EBF1: variants seen among roughly 807,000 people sequenced by gnomAD.
The protein encoded by EBF1 is EBF transcription factor 1, also known as transcription factor COE1.
In EBF1, 10 loss-of-function variants were observed where a neutral mutation model predicts 68.4. That is an observed-to-expected ratio of 0.15 (90% CI 0.09 to 0.25). The LOEUF (loss-of-function observed/expected upper bound fraction) is 0.25. Ranked by LOEUF, EBF1 falls within the 10% of genes least tolerant of loss-of-function variation. The pLI, the probability that EBF1 is intolerant of heterozygous loss-of-function variation, is 1.00. For synonymous variants in EBF1, 298 were observed against 299.8 expected, an observed-to-expected ratio of 0.99 and a Z score of 0.06; for missense variants, 509 against 794.4, an observed-to-expected ratio of 0.64 and a Z score of 4.32.
intron 4 of EBF1, among the ~76,000 whole-genome samples, chr5:159,094,766 C>A (rs1301428088): frequency 6.6e-6 from 1 of 152,120 alleles, no homozygotes; most frequent in Non-Finnish European, 1.5e-5. Flanking sequence ...AAGCTGTCTT[C>A]TTTTTTCTGC....
At chr5:158,887,002 CA>C (rs202161227) in intron 6 of EBF1, among the ~76,000 whole-genome samples, 28 of 150,232 alleles carry the variant, frequency 1.9e-4, no homozygotes, top group African/African-American at 6.6e-4. Context: ...AACTCCATCT[CA>C]AAAAAAAAGA....
intron 6 of EBF1, among the ~76,000 whole-genome samples, chr5:158,884,545 G>A (rs1161786688): frequency 6.6e-6 from 1 of 152,160 alleles, no homozygotes; most frequent in Non-Finnish European, 1.5e-5. Flanking sequence ...CCTCAGGACA[G>A]GGGAAAGTTG....
chr5:158,883,514 G>A (rs752658537), intron 6 of EBF1, among the ~76,000 whole-genome samples: 40 of 151,864 alleles, frequency 2.6e-4, no homozygotes, highest in Non-Finnish European at 5.3e-4. Flanking sequence ...ATGCCCCACC[G>A]TGCACTCCCT....
At chr5:158,826,415 T>C (rs1347012898) in intron 7 of EBF1, among the ~76,000 whole-genome samples, 3 of 152,194 alleles carry the variant, frequency 2.0e-5, no homozygotes, top group African/African-American at 7.2e-5. Context: ...TAGGCGACTA[T>C]TGCCTACTGC....
chr5:158,770,239 C>T (rs181330407), intron 10 of EBF1, among the ~76,000 whole-genome samples: 121 of 152,128 alleles, frequency 8.0e-4, no homozygotes, highest in Non-Finnish European at 1.2e-3. Context: ...CCACATCTAA[C>T]CCATCAAGTC....
At chr5:158,714,692 G>T (rs1458903220) in intron 11 of EBF1, among the ~76,000 whole-genome samples, 1 of 152,068 alleles carries the variant, frequency 6.6e-6, no homozygotes, top group Admixed American at 6.6e-5. Context: ...ATATAAGAGG[G>T]TGATGTAGGA....
chr5:158,943,368 G>A (rs13176166), intron 6 of EBF1, among the ~76,000 whole-genome samples: 3 of 151,918 alleles, frequency 2.0e-5, no homozygotes, highest in Non-Finnish European at 2.9e-5. Flanking sequence ...ACATTCCGGA[G>A]GCACTGTGCC....
intron 6 of EBF1, among the ~76,000 whole-genome samples, chr5:158,922,485 T>C (rs905690729): frequency 1.3e-5 from 2 of 152,194 alleles, no homozygotes; most frequent in African/African-American, 4.8e-5. Context: ...TTAAAATAGA[T>C]CTTCCATTTC....
At chr5:158,808,155 A>G (rs146847412) in intron 8 of EBF1, among the ~76,000 whole-genome samples, 1 of 152,246 alleles carries the variant, frequency 6.6e-6, no homozygotes, top group Non-Finnish European at 1.5e-5. Flanking sequence ...AGGAATATGT[A>G]TCATTGACTT....
intron 10 of EBF1, among the ~76,000 whole-genome samples, chr5:158,769,290 G>A (rs964973214): frequency 2.0e-5 from 3 of 152,088 alleles, no homozygotes; most frequent in Admixed American, 2.0e-4. Context: ...GGATTTCTGT[G>A]ATTTATCTCT....
At chr5:158,732,601 A>C (rs1261496610) in intron 10 of EBF1, among the ~76,000 whole-genome samples, 3 of 152,184 alleles carry the variant, frequency 2.0e-5, no homozygotes, top group Non-Finnish European at 2.9e-5. Flanking sequence ...GGAAAAAAAA[A>C]AGCTGCATAA....
At position 159,073,637 on chromosome 5, in the gene EBF1, A is replaced by T. The variant is rs534896167; in HGVS notation, c.486-173T>A. ...ATTCTATTTGGGTCACCTATGGGTT[A>T]ATGGCCAGGCTTAACCTCTCCCTGC... On this transcript the variant is annotated intron_variant, in intron 5 of 15. Transcript: ENST00000313708. 469 of 657,398 alleles carry T rather than the reference A, an allele frequency of 7.1e-4. 1 individual carries two copies. The African/African-American group carries it at 7.8e-3, about 11-fold the overall frequency. The allele number at this position is 657,398 out of a possible 1,614,324, so 40.7% of individuals were successfully genotyped here.
chr5:159,027,182 C>T (rs1767869877), intron 6 of EBF1, among the ~76,000 whole-genome samples: 2 of 152,174 alleles, frequency 1.3e-5, no homozygotes, highest in Admixed American at 6.5e-5. Flanking sequence ...CCTACCTGTA[C>T]ACTCCTCCCA....
At chr5:158,846,119 G>A (rs538091012) in intron 6 of EBF1, among the ~76,000 whole-genome samples, 6 of 152,314 alleles carry the variant, frequency 3.9e-5, no homozygotes, top group African/African-American at 1.4e-4. Context: ...AGATGGTTAT[G>A]TGGCAGATGA....
At chr5:158,844,187 C>CT (rs1324393352) in intron 6 of EBF1, among the ~76,000 whole-genome samples, 1 of 82,462 alleles carries the variant, frequency 1.2e-5, no homozygotes. Flanking sequence ...TTAACTCAAG[C>CT]CTTTTTTTTT....
At chr5:158,845,977 T>A (rs999581236) in intron 6 of EBF1, among the ~76,000 whole-genome samples, 17 of 152,190 alleles carry the variant, frequency 1.1e-4, no homozygotes, top group African/African-American at 4.1e-4. Context: ...AAAATCACGT[T>A]TGGATTTTTG....
chr5:158,756,107 T>G lies in EBF1; in HGVS notation c.1036+21306A>C, dbSNP rs10076156. On this transcript the variant is annotated intron_variant, in intron 10 of 15. Coordinates refer to ENST00000313708, the MANE Select transcript of EBF1 (RefSeq NM_024007.5). ...TGCTAACTTGCTGAATGTGTTGGGC[T>G]GTTGAGGTGAGTTCTACTGGAGTCT... Among the ~76,000 whole-genome samples the G allele has an allele frequency of 7.2e-3, 1,094 of 152,226 alleles. 17 individuals are homozygous for G. Among genetic ancestry groups the G allele is most frequent in the African/African-American group, 0.025 (1,040 of 41,546 alleles).
Position 159,020,838 on chromosome 5 carries a change from GGGATAA to G in EBF1, c.554+52552_554+52557del, listed in dbSNP as rs199535470. Among the ~76,000 whole-genome samples, 16 of 152,078 alleles carry G rather than the reference GGGATAA, an allele frequency of 1.1e-4. No individual in the cohort carries two copies. In the East Asian group the frequency reaches 3.1e-3, roughly 29 times the overall value. ...ATATATCTGATCTAGGCAAACTATG[GGGATAA>G]GTAATAACAATTAATTAGCTACAGT... On this transcript the variant is annotated intron_variant, in intron 6 of 15. Coordinates refer to ENST00000313708, the MANE Select transcript of EBF1 (RefSeq NM_024007.5).
intron 6 of EBF1, among the ~76,000 whole-genome samples, chr5:158,976,094 G>A (rs1422654434): frequency 1.3e-5 from 2 of 152,178 alleles, no homozygotes; most frequent in Admixed American, 6.5e-5. Context: ...TTATTGTCAA[G>A]ACAGAATGAA....
Sources: gnomAD v4.1 joint callset for allele counts (sites outside exome capture counted in the v4.1 genomes callset) on GRCh38, gnomAD v4.1.1 for gene constraint, MANE v1.5 for transcripts, NCBI Gene and HGNC (gene_info 2026-07-23, HGNC 2026-07-21) for gene names.